The following UGT2B15 variants were observed in gnomAD, a reference collection of about 807,000 sequenced individuals.
UGT2B15 encodes UDP-glucuronosyltransferase 2B15.
UGT2B15 carries 36 observed loss-of-function variants against 45.9 expected under a neutral mutation model. The observed-to-expected ratio is 0.78, with a 90% CI of 0.60 to 1.04. The LOEUF (loss-of-function observed/expected upper bound fraction) is 1.04, where lower values mean the gene tolerates loss of function less well. UGT2B15 is among the 50% of genes least tolerant of loss of function. UGT2B15 has a pLI of 0.00. For missense variants in UGT2B15, 617 were observed against 622.4 expected (o/e 0.99, Z 0.09); for synonymous variants, 219 against 216.4 (o/e 1.01, Z -0.11).
chr4:68,654,463 G>C (rs1732745712), intron 4 of UGT2B15, among the ~76,000 whole-genome samples: 1 of 106,912 alleles, frequency 9.4e-6, no homozygotes, highest in East Asian at 2.0e-4. Flanking sequence ...ATTAAAATGT[G>C]CAAAAAAAAG....
At chr4:68,654,565 A>G (rs1732749178) in intron 4 of UGT2B15, among the ~76,000 whole-genome samples, 1 of 151,940 alleles carries the variant, frequency 6.6e-6, no homozygotes, top group Admixed American at 6.6e-5. Flanking sequence ...AATACTTAAA[A>G]TATTTAAAAT....
chr4:68,652,326 A>G (rs1732679432), intron 5 of UGT2B15, among the ~76,000 whole-genome samples: 1 of 152,086 alleles, frequency 6.6e-6, no homozygotes, highest in Non-Finnish European at 1.5e-5. Flanking sequence ...ATCTGCAAAC[A>G]GAGACAATTT....
At chr4:68,663,971 A>G (rs1733042220) in intron 2 of UGT2B15, among the ~76,000 whole-genome samples, 1 of 152,044 alleles carries the variant, frequency 6.6e-6, no homozygotes, top group Non-Finnish European at 1.5e-5. Flanking sequence ...TTGTCCTGAA[A>G]TCACACTGTG....
intron 3 of UGT2B15, among the ~76,000 whole-genome samples, chr4:68,662,644 A>G (rs1366408211): frequency 1.3e-5 from 2 of 152,002 alleles, no homozygotes; most frequent in Non-Finnish European, 1.5e-5. Context: ...CTGCTTTTTG[A>G]TAATATCTAC....
At chr4:68,659,573 T>C (rs987469653) in intron 3 of UGT2B15, among the ~76,000 whole-genome samples, 1 of 151,990 alleles carries the variant, frequency 6.6e-6, no homozygotes, top group Non-Finnish European at 1.5e-5. Flanking sequence ...GTAACAATTA[T>C]ATGTGTTAAG....
chr4:68,657,256 G>A (rs1209817795), intron 3 of UGT2B15, among the ~76,000 whole-genome samples: 1 of 152,134 alleles, frequency 6.6e-6, no homozygotes, highest in Non-Finnish European at 1.5e-5. Context: ...GACCCCCTGT[G>A]ACATGGAGTG....
rs1733282149 is a variant in UGT2B15 at position 68,670,539 on chromosome 4, A to G, written c.80T>C (p.Leu27Pro). 6.2e-7 allele frequency: 1 copy of G among 1,609,880 alleles called. No homozygotes were observed. Among genetic ancestry groups the G allele is most frequent in the South Asian group, 1.1e-5 (1 of 89,998 alleles). ...YFSSGSCGKV[L>P]VWPTEYSHWI... ...ATGGCTGTATTCTGTGGGCCACACT[A>G]GCACCTTTCCACAGCTTCCAGAGCT... Residue 27 changes from leucine to proline, a missense_variant, in exon 1 of 6, where the codon CTA (leucine) becomes CCA (proline). Coordinates refer to ENST00000338206, the MANE Select transcript of UGT2B15 (RefSeq NM_001076.4).
At chr4:68,669,352 T>A (rs1486231201) in intron 1 of UGT2B15, among the ~76,000 whole-genome samples, 1 of 152,094 alleles carries the variant, frequency 6.6e-6, no homozygotes, top group Non-Finnish European at 1.5e-5. Context: ...AAGGAATGTA[T>A]AAACATTAGA....
At chr4:68,654,008 C>A in intron 5 of UGT2B15, 29 bp downstream of exon 5, 1 of 1,601,718 alleles carries the variant, frequency 6.2e-7, no homozygotes, top group East Asian at 2.2e-5. Flanking sequence ...TTTATAAATA[C>A]CACCTGGTCA....
At chr4:68,651,188 G>T (rs1311283967) in intron 5 of UGT2B15, among the ~76,000 whole-genome samples, 3 of 151,910 alleles carry the variant, frequency 2.0e-5, no homozygotes, top group Non-Finnish European at 4.4e-5. Context: ...GGCTTTTGTT[G>T]CAATTGCTTT....
intron 2 of UGT2B15, among the ~76,000 whole-genome samples, chr4:68,667,238 C>T (rs1335868014): frequency 6.6e-6 from 1 of 151,810 alleles, no homozygotes. Flanking sequence ...TCTCAGCTCA[C>T]TGCAGCCTCT....
In UGT2B15 at chr4:68,646,814, T is replaced by A. The variant is rs190173857; in HGVS notation, c.*290A>T. 967 of 344,206 alleles carry A rather than the reference T, an allele frequency of 2.8e-3. 5 individuals are homozygous for A. The highest frequency in any genetic ancestry group is 4.5e-3 in the Non-Finnish European group (843 of 187,480). The allele number at this position is 344,206 out of a possible 1,614,324, so 21.3% of individuals were successfully genotyped here. A position where few individuals can be genotyped will look rare whatever the true frequency, so the allele number is the denominator to read the frequency against. On this transcript the variant is annotated 3_prime_UTR_variant, in exon 6 of 6. Transcript: ENST00000338206. ...TGCAGGTTAGCTACATATGTATACA[T>A]GTGCCATGTTGGCGTGCTGCATCCA...
At chr4:68,659,435 A>G (rs1213881737) in intron 3 of UGT2B15, among the ~76,000 whole-genome samples, 1 of 151,992 alleles carries the variant, frequency 6.6e-6, no homozygotes, top group Non-Finnish European at 1.5e-5. Flanking sequence ...TTATACAGGA[A>G]ACATTGTCAA....
chr4:68,658,288 CT>C (rs375866183), intron 3 of UGT2B15, among the ~76,000 whole-genome samples: 3 of 146,644 alleles, frequency 2.0e-5, no homozygotes, highest in African/African-American at 7.6e-5. Flanking sequence ...AATAAAAGTG[CT>C]TGAATTAAAT....
At chr4:68,653,613 C>T (rs1578195091) in intron 5 of UGT2B15, among the ~76,000 whole-genome samples, 1 of 151,634 alleles carries the variant, frequency 6.6e-6, no homozygotes, top group East Asian at 1.9e-4. Flanking sequence ...GAATGTTATG[C>T]TATGCAAATT....
chr4:68,654,542 TA>T (rs1027943062), intron 4 of UGT2B15, among the ~76,000 whole-genome samples: 3 of 151,810 alleles, frequency 2.0e-5, no homozygotes, highest in African/African-American at 4.8e-5. Context: ...TTTACATATT[TA>T]AAAAATATTT....
chr4:68,663,996 T>C (rs574173375), intron 2 of UGT2B15, among the ~76,000 whole-genome samples: 42 of 152,210 alleles, frequency 2.8e-4, no homozygotes, highest in African/African-American at 9.9e-4. Flanking sequence ...TGATGTGCTA[T>C]GTATAACTGA....
chr4:68,648,282 CT>C (rs1732542016), intron 5 of UGT2B15, among the ~76,000 whole-genome samples: 1 of 152,098 alleles, frequency 6.6e-6, no homozygotes, highest in Non-Finnish European at 1.5e-5. Context: ...CCCTTTCCCC[CT>C]GTACACTTTC....
At chr4:68,668,349 T>A (rs998284190) in intron 1 of UGT2B15, among the ~76,000 whole-genome samples, 161 bp from the exon 2 acceptor site, 5 of 152,180 alleles carry the variant, frequency 3.3e-5, no homozygotes, top group Admixed American at 1.3e-4. Context: ...TATATAGTCA[T>A]AATTTAGATT....
Sources: gnomAD v4.1 joint callset for allele counts (sites outside exome capture counted in the v4.1 genomes callset) on GRCh38, gnomAD v4.1.1 for gene constraint, MANE v1.5 for transcripts, NCBI Gene and HGNC (gene_info 2026-07-23, HGNC 2026-07-21) for gene names.